MYO1D: variants seen among roughly 807,000 people sequenced by gnomAD.
The protein encoded by MYO1D is unconventional myosin-Id.
A neutral mutation model predicts 122.0 loss-of-function variants in MYO1D; 83 were observed. That is an observed-to-expected ratio of 0.68 (90% CI 0.57 to 0.82). The LOEUF is 0.82. Ranked by LOEUF, MYO1D falls within the 40% of genes least tolerant of loss-of-function variation. The pLI is 0.00. For synonymous variants in MYO1D, 464 were observed against 446.9 expected, an observed-to-expected ratio of 1.04 and a Z score of -0.48; for missense variants, 1,157 against 1,269.5, an observed-to-expected ratio of 0.91 and a Z score of 1.35.
chr17:32,846,745 C>T (rs938105469), intron 1 of MYO1D, among the ~76,000 whole-genome samples: 3 of 152,058 alleles, frequency 2.0e-5, no homozygotes, highest in African/African-American at 4.8e-5. Context: ...TTTGGGAAGC[C>T]GAGGCAGGAA....
intron 21 of MYO1D, among the ~76,000 whole-genome samples, chr17:32,542,281 A>C (rs2150879088): frequency 6.6e-6 from 1 of 152,336 alleles, no homozygotes; most frequent in South Asian, 2.1e-4. Context: ...AGCATTTTCC[A>C]CTTCTCTATC....
chr17:32,774,100 C>G (rs2090150776), intron 4 of MYO1D, among the ~76,000 whole-genome samples: 2 of 152,148 alleles, frequency 1.3e-5, no homozygotes, highest in Non-Finnish European at 2.9e-5. Context: ...CCTCCTCACA[C>G]CCGATCTGGC....
intron 21 of MYO1D, among the ~76,000 whole-genome samples, chr17:32,501,473 T>C (rs1288774310): frequency 6.6e-6 from 1 of 152,132 alleles, no homozygotes; most frequent in Non-Finnish European, 1.5e-5. Context: ...CCAGGAAAGA[T>C]CTGAATGGAC....
chr17:32,637,457 G>A (rs891716502), intron 20 of MYO1D, among the ~76,000 whole-genome samples: 3 of 152,162 alleles, frequency 2.0e-5, no homozygotes, highest in Admixed American at 6.5e-5. Flanking sequence ...GATCACTTGA[G>A]GCCAGGAGTT....
intron 21 of MYO1D, among the ~76,000 whole-genome samples, chr17:32,594,850 T>C (rs951242022): frequency 1.3e-5 from 2 of 152,076 alleles, no homozygotes; most frequent in African/African-American, 4.8e-5. Context: ...CTTCTACTTA[T>C]TATGAAACTG....
chr17:32,517,005 T>C (rs999321838), intron 21 of MYO1D, among the ~76,000 whole-genome samples: 14 of 151,874 alleles, frequency 9.2e-5, no homozygotes, highest in South Asian at 2.1e-4. Context: ...AGTGATTCCA[T>C]TGGAAGGTGA....
At chr17:32,630,026 G>A (rs1387141075) in intron 20 of MYO1D, among the ~76,000 whole-genome samples, 1 of 152,196 alleles carries the variant, frequency 6.6e-6, no homozygotes, top group Non-Finnish European at 1.5e-5. Context: ...GGGAAGGCTA[G>A]AATGACTCAT....
rs1198409146 is a variant in MYO1D, at chr17:32,492,979, C to T, written c.*1780G>A. On this transcript the variant is annotated 3_prime_UTR_variant, in exon 22 of 22. Coordinates refer to ENST00000318217, the MANE Select transcript of MYO1D (RefSeq NM_015194.3). Reference sequence around the variant, plus strand: ...AAACCCAGGCCCTCCTCCTGCCCTCCAGCCTTTGACAGGCAACTCATTTGG... The same window carrying T: ...AAACCCAGGCCCTCCTCCTGCCCTCTAGCCTTTGACAGGCAACTCATTTGG... The T allele has an allele frequency of 1.3e-5, 2 of 152,656 alleles. No individual in the cohort carries two copies. Among genetic ancestry groups the T allele is most frequent in the Non-Finnish European group, 1.5e-5 (1 of 68,058 alleles). 9.5% of individuals were successfully genotyped at this position (152,656 alleles called of 1,614,324 possible). A position where few individuals can be genotyped will look rare whatever the true frequency, so the allele number is the denominator to read the frequency against.
chr17:32,807,357 T>C (rs897676820), intron 1 of MYO1D, among the ~76,000 whole-genome samples: 1 of 152,140 alleles, frequency 6.6e-6, no homozygotes, highest in African/African-American at 2.4e-5. Context: ...CTATACCCTA[T>C]GTATATACAT....
At chr17:32,525,713 T>A (rs1910319603) in intron 21 of MYO1D, among the ~76,000 whole-genome samples, 1 of 152,136 alleles carries the variant, frequency 6.6e-6, no homozygotes, top group African/African-American at 2.4e-5. Flanking sequence ...CGGCCCTCCC[T>A]GCAGTTTCTA....
At chr17:32,653,547 A>C (rs572562473) in intron 19 of MYO1D, among the ~76,000 whole-genome samples, 1 of 148,344 alleles carries the variant, frequency 6.7e-6, no homozygotes, top group East Asian at 2.0e-4. Context: ...CGGAGGTTGC[A>C]GTGAGCCGAG....
intron 1 of MYO1D, among the ~76,000 whole-genome samples, chr17:32,856,893 A>T (rs550877517): frequency 6.6e-6 from 1 of 152,224 alleles, no homozygotes; most frequent in East Asian, 1.9e-4. Context: ...TCCTTTTTCC[A>T]ATATTCTTCT....
At chr17:32,840,211 G>C (rs1042128331) in intron 1 of MYO1D, among the ~76,000 whole-genome samples, 2 of 152,152 alleles carry the variant, frequency 1.3e-5, no homozygotes, top group African/African-American at 4.8e-5. Context: ...TGTTACTGGC[G>C]CACACTGGAG....
chr17:32,757,061 A>G (rs2089954846), intron 10 of MYO1D, among the ~76,000 whole-genome samples: 1 of 152,142 alleles, frequency 6.6e-6, no homozygotes, highest in African/African-American at 2.4e-5. Context: ...TGTCTCCATT[A>G]CCTTCTATAA....
intron 21 of MYO1D, among the ~76,000 whole-genome samples, chr17:32,500,027 C>T (rs1324592455): frequency 6.6e-6 from 1 of 152,182 alleles, no homozygotes; most frequent in African/African-American, 2.4e-5. Context: ...GGAGCATTCA[C>T]ACCACATGTA....
chr17:32,850,967 C>G (rs1198313495), intron 1 of MYO1D, among the ~76,000 whole-genome samples: 3 of 151,774 alleles, frequency 2.0e-5, no homozygotes, highest in Non-Finnish European at 2.9e-5. Context: ...CTTCATTTCT[C>G]CCCTGCACCT....
At chr17:32,667,546 TAAACA>T (rs996884520) in intron 16 of MYO1D, among the ~76,000 whole-genome samples, 1 of 152,134 alleles carries the variant, frequency 6.6e-6, no homozygotes, top group Non-Finnish European at 1.5e-5. Flanking sequence ...CTTTAGTCAA[TAAACA>T]AATGTAAAAA....
At chr17:32,586,361 G>A (rs550445673) in intron 21 of MYO1D, among the ~76,000 whole-genome samples, 1 of 152,228 alleles carries the variant, frequency 6.6e-6, no homozygotes, top group South Asian at 2.1e-4. Context: ...AGCATCTTGG[G>A]GACAGAATGG....
intron 21 of MYO1D, among the ~76,000 whole-genome samples, chr17:32,555,148 G>A (rs1402828458): frequency 2.0e-5 from 3 of 152,068 alleles, no homozygotes; most frequent in African/African-American, 7.2e-5. Flanking sequence ...GTGCTCAATC[G>A]CAGGGCTTGT....
Sources: gnomAD v4.1 joint callset for allele counts (sites outside exome capture counted in the v4.1 genomes callset) on GRCh38, gnomAD v4.1.1 for gene constraint, MANE v1.5 for transcripts, NCBI Gene and HGNC (gene_info 2026-07-23, HGNC 2026-07-21) for gene names.